Variants in HLA-DRA observed in about 807,000 individuals in gnomAD.
HLA-DRA encodes HLA class II histocompatibility antigen, DR alpha chain.
HLA-DRA carries 8 observed loss-of-function variants against 22.1 expected under a neutral mutation model. The ratio of observed to expected loss-of-function variants is 0.36; its 90% CI spans 0.21 to 0.65. The LOEUF (loss-of-function observed/expected upper bound fraction) is 0.65. Ranked by LOEUF, HLA-DRA falls within the 30% of genes least tolerant of loss-of-function variation. The pLI, the probability that HLA-DRA is intolerant of heterozygous loss-of-function variation, is 0.63. For missense variants in HLA-DRA, 248 were observed against 321.3 expected (o/e 0.77, Z 1.74); for synonymous variants, 101 against 117.1 (o/e 0.86, Z 0.89).
At chr6:32,442,740 G>A (rs537582719) in intron 2 of HLA-DRA, 47 bp downstream of exon 2, 3 of 1,602,542 alleles carry the variant, frequency 1.9e-6, no homozygotes, top group African/African-American at 1.3e-5. Context: ...TCCATAGTTT[G>A]AAAGTAGTTG....
chr6:32,442,910 C>T (rs770910176), intron 2 of HLA-DRA, among the ~76,000 whole-genome samples: 11 of 152,122 alleles, frequency 7.2e-5, no homozygotes, highest in Non-Finnish European at 1.6e-4. Flanking sequence ...CCATGGTCTC[C>T]TACGAAGTCA....
intron 3 of HLA-DRA, 136 bp downstream of exon 3, chr6:32,443,602 T>A (rs960905364): frequency 8.8e-7 from 1 of 1,139,420 alleles, no homozygotes; most frequent in Non-Finnish European, 1.3e-6. Context: ...AGCTTCCTCC[T>A]TTTTTTAATC....
At position 32,443,402 on chromosome 6, in the gene HLA-DRA, T is replaced by C. The variant is rs1762739722; in HGVS notation, c.546T>C (p.Thr182=). ...ACTATCTCCCCTTCCTGCCCTCAAC[T>C]GAGGACGTTTACGACTGCAGGGTGG... ...KFHYLPFLPS[T]EDVYDCRVEH... Residue 182 remains threonine (T), a synonymous_variant, in exon 3 of 5, where the codon ACT becomes ACC. Transcript: ENST00000395388. The C allele has an allele frequency of 6.2e-7, 1 of 1,613,010 alleles. No homozygotes were observed. Among genetic ancestry groups the C allele is most frequent in the Non-Finnish European group, 8.5e-7 (1 of 1,179,986 alleles).
chr6:32,441,867 AACC>A (rs1328021078), intron 1 of HLA-DRA, among the ~76,000 whole-genome samples: 2 of 152,242 alleles, frequency 1.3e-5, no homozygotes, highest in African/African-American at 2.4e-5. Flanking sequence ...ACAGGATCAA[AACC>A]ACAGCAGGGC....
intron 1 of HLA-DRA, 133 bp from the exon 2 acceptor site, chr6:32,442,315 A>C: frequency 3.8e-6 from 4 of 1,053,738 alleles, no homozygotes; most frequent in African/African-American, 1.6e-5. Flanking sequence ...ACTCATCCCT[A>C]CTCGCCATCA....
rs763361772 is a variant in HLA-DRA at position 32,443,317 on chromosome 6, C to T, written c.461C>T (p.Thr154Ile). The T allele has an allele frequency of 1.7e-5, 27 of 1,612,960 alleles. No homozygotes were observed. The highest frequency in any genetic ancestry group is 2.0e-5 in the Non-Finnish European group (24 of 1,180,036). The change falls in exon 3 of 5, where the codon ACC becomes ATC. Residue 154 changes from threonine to isoleucine, a missense_variant. Coordinates refer to ENST00000395388, the MANE Select transcript of HLA-DRA (RefSeq NM_019111.5). ...TGGCTTCGAAATGGAAAACCTGTCACCACAGGAGTGTCAGAGACAGTCTTC... is the reference window on the plus strand; with the variant it reads ...TGGCTTCGAAATGGAAAACCTGTCATCACAGGAGTGTCAGAGACAGTCTTC... ...VTWLRNGKPVTTGVSETVFLP... is the reference protein window; with the variant it reads ...VTWLRNGKPVITGVSETVFLP...
rs1374452743 is a variant in HLA-DRA at position 32,442,534 on chromosome 6, T to C, written c.169T>C (p.Phe57Leu). Reference protein sequence around the residue: ...FMFDFDGDEIFHVDMAKKETV... With the variant: ...FMFDFDGDEILHVDMAKKETV... ...GTTTGACTTTGATGGTGATGAGATT[T>C]TCCATGTGGATATGGCAAAGAAGGA... Residue 57 changes from phenylalanine (F) to leucine (L), a missense_variant, in exon 2 of 5, where the codon TTC becomes CTC. Transcript: ENST00000395388. 1 of 1,613,090 alleles carries C rather than the reference T, an allele frequency of 6.2e-7. No individual in the cohort carries two copies. The highest frequency in any genetic ancestry group is 1.7e-5 in the Admixed American group (1 of 60,026).
rs1251346814 is a variant in HLA-DRA at position 32,440,368 on chromosome 6, C to A, written c.82+336C>A. Among the ~76,000 whole-genome samples the A allele has an allele frequency of 3.3e-5, 5 of 151,970 alleles. No individual in the cohort carries two copies. The East Asian group carries it at 7.7e-4, about 23-fold the overall frequency. ...GTTATATTTCTGGGCTTTAATTATT[C>A]TTTCTGGAAAATTAGTAAAATTAAA... On this transcript the variant is annotated intron_variant, in intron 1 of 4. Coordinates refer to ENST00000395388, the MANE Select transcript of HLA-DRA (RefSeq NM_019111.5).
At chr6:32,440,703 C>T (rs1298189475) in intron 1 of HLA-DRA, among the ~76,000 whole-genome samples, 2 of 152,146 alleles carry the variant, frequency 1.3e-5, no homozygotes, top group East Asian at 3.8e-4. Context: ...GTAATATTTC[C>T]AAGAGAGTAG....
At chr6:32,444,476 G>A (rs541860472) in intron 4 of HLA-DRA, among the ~76,000 whole-genome samples, 176 bp from the exon 5 acceptor site, 3 of 132,834 alleles carry the variant, frequency 2.3e-5, no homozygotes, top group African/African-American at 8.4e-5. Context: ...AAGCATGGTT[G>A]CTTATTATGT....
At chr6:32,442,823 C>A in intron 2 of HLA-DRA, 130 bp downstream of exon 2, 1 of 1,106,340 alleles carries the variant, frequency 9.0e-7, no homozygotes, top group Non-Finnish European at 1.3e-6. Flanking sequence ...TAACAAGCCC[C>A]AAATTCTCAT....
chr6:32,443,522 G>A (rs1762748169), intron 3 of HLA-DRA, 56 bp downstream of exon 3: 3 of 1,466,070 alleles, frequency 2.0e-6, no homozygotes, highest in Non-Finnish European at 1.9e-6. Flanking sequence ...TGATGCTTGT[G>A]TGAAACTCGG....
intron 1 of HLA-DRA, among the ~76,000 whole-genome samples, chr6:32,440,443 T>C (rs1762548677): frequency 6.7e-6 from 1 of 148,926 alleles, no homozygotes; most frequent in Non-Finnish European, 1.5e-5. Context: ...AAAAAAAAAG[T>C]TATTAGCCCT....
chr6:32,443,633 A>G, intron 3 of HLA-DRA, 123 bp from the exon 4 acceptor site: 1 of 1,163,808 alleles, frequency 8.6e-7, no homozygotes, highest in Non-Finnish European at 1.2e-6. Flanking sequence ...TCAATACATC[A>G]TTCTGTCTTC....
Position 32,442,437 on chromosome 6 carries a change from T to C in HLA-DRA, c.83-11T>C. ...CCACCCAACTCTCTTTCTCCATTTC[T>C]TGCCTTTCAGAAGAACATGTGATCA... On this transcript the variant is annotated splice_polypyrimidine_tract_variant and intron_variant, in intron 1 of 4. Coordinates refer to ENST00000395388, the MANE Select transcript of HLA-DRA (RefSeq NM_019111.5). The C allele has an allele frequency of 1.2e-6, 2 of 1,612,994 alleles. No homozygotes were observed. Among genetic ancestry groups the C allele is most frequent in the Non-Finnish European group, 1.7e-6 (2 of 1,179,946 alleles).
At chr6:32,442,028 T>C (rs1489530240) in intron 1 of HLA-DRA, among the ~76,000 whole-genome samples, 1 of 152,226 alleles carries the variant, frequency 6.6e-6, no homozygotes, top group Non-Finnish European at 1.5e-5. Context: ...TAGAGTACAA[T>C]GTTCTGAGAA....
chr6:32,443,441 G>A lies in HLA-DRA; in HGVS notation c.585G>A (p.Leu195=), dbSNP rs1213113921. The change falls in exon 3 of 5, where the codon TTG becomes TTA. Residue 195 remains leucine, a synonymous_variant. Transcript: ENST00000395388. The part of the protein sequence containing the change: ...VYDCRVEHWG[L]DEPLLKHWEF... The stretch of plus-strand genomic sequence containing the variant: ...ACTGCAGGGTGGAGCACTGGGGCTT[G>A]GATGAGCCTCTTCTCAAGCACTGGG... 3 of 1,612,834 alleles carry A rather than the reference G, an allele frequency of 1.9e-6. No homozygotes were observed. The highest frequency in any genetic ancestry group is 2.7e-5 in the African/African-American group (2 of 74,900).
intron 1 of HLA-DRA, among the ~76,000 whole-genome samples, chr6:32,440,960 C>T (rs1186320460): frequency 6.6e-6 from 1 of 152,246 alleles, no homozygotes; most frequent in Non-Finnish European, 1.5e-5. Context: ...GACAGAGGAT[C>T]TTCCCTTGGT....
Position 32,443,860 on chromosome 6 carries a change from A to G in HLA-DRA, c.715A>G (p.Ile239Val). 6.2e-7 allele frequency: 1 copy of G among 1,611,978 alleles called. No homozygotes were observed. The highest frequency in any genetic ancestry group is 1.7e-4 in the Middle Eastern group (1 of 6,058). Residue 239 changes from isoleucine (I) to valine (V), a missense_variant, in exon 4 of 5, where the codon ATC (isoleucine) becomes GTC (valine). Transcript: ENST00000395388. Reference sequence around the variant, plus strand: ...CATCATTATTGGGACCATCTTCATCATCAAGGGATTGCGCAAAAGCAATGC... The same window carrying G: ...CATCATTATTGGGACCATCTTCATCGTCAAGGGATTGCGCAAAAGCAATGC... The part of the protein sequence containing the change: ...VGIIIGTIFI[I>V]KGLRKSNAAE...
Sources: allele counts gnomAD v4.1 joint callset (sites outside exome capture counted in the v4.1 genomes callset), GRCh38; gene constraint gnomAD v4.1.1; transcripts MANE v1.5; gene names NCBI Gene and HGNC (gene_info 2026-07-23, HGNC 2026-07-21).